The following HMGCLL1 variants were observed in gnomAD, a reference collection of about 807,000 sequenced individuals.
The protein encoded by HMGCLL1 is 3-hydroxymethyl-3-methylglutaryl-CoA lyase, cytoplasmic.
In HMGCLL1, 36 loss-of-function variants were observed where a neutral mutation model predicts 39.1. That is an observed-to-expected ratio of 0.92 (90% CI 0.71 to 1.22). The LOEUF (loss-of-function observed/expected upper bound fraction) is 1.22, where lower values mean the gene tolerates loss of function less well. HMGCLL1 is among the 50% of genes most tolerant of loss of function. HMGCLL1 has a pLI of 0.00. For synonymous variants in HMGCLL1, 149 were observed against 144.0 expected (o/e 1.03, Z -0.25); for missense variants, 451 against 416.5 (o/e 1.08, Z -0.72).
chr6:55,477,941 T>A (rs1047958234), intron 7 of HMGCLL1, among the ~76,000 whole-genome samples: 5 of 151,094 alleles, frequency 3.3e-5, no homozygotes, highest in Admixed American at 2.6e-4. Flanking sequence ...CAGAGTCGAT[T>A]CTGTATTTTA....
intron 1 of HMGCLL1, among the ~76,000 whole-genome samples, chr6:55,542,996 A>G (rs915542916): frequency 1.5e-4 from 15 of 100,424 alleles, no homozygotes; most frequent in African/African-American, 6.8e-4. Flanking sequence ...AATATATATT[A>G]TAAATTATTA....
At chr6:55,617,821 T>A in the HMGCLL1 span, among the ~76,000 whole-genome samples, 32 of 152,172 alleles carry the variant, frequency 2.1e-4, no homozygotes, top group Middle Eastern at 0.01. Context: ...CAAGAATATA[T>A]GTACAAGTAG....
the HMGCLL1 span, among the ~76,000 whole-genome samples, chr6:55,649,528 A>G: frequency 6.6e-6 from 1 of 151,668 alleles, no homozygotes; most frequent in Non-Finnish European, 1.5e-5. Flanking sequence ...CTTGGCCGTC[A>G]GGAATTTGAT....
chr6:55,535,745 G>A (rs1307201682), intron 3 of HMGCLL1, among the ~76,000 whole-genome samples: 1 of 152,118 alleles, frequency 6.6e-6, no homozygotes, highest in African/African-American at 2.4e-5. Context: ...CAACTCATCT[G>A]GATAATAATG....
At chr6:55,606,380 G>T in the HMGCLL1 span, among the ~76,000 whole-genome samples, 144,415 of 152,172 alleles carry the variant, frequency 0.95, 68,676 homozygotes, top group Non-Finnish European at 0.97. Flanking sequence ...CAGACAACCA[G>T]ACTTTTAGAA....
the HMGCLL1 span, among the ~76,000 whole-genome samples, chr6:55,587,856 A>C: frequency 6.6e-6 from 1 of 152,192 alleles, no homozygotes; most frequent in Non-Finnish European, 1.5e-5. Context: ...AGAGCTAACT[A>C]TCCTAAATAT....
chr6:55,669,556 T>A, the HMGCLL1 span, among the ~76,000 whole-genome samples: 1 of 151,628 alleles, frequency 6.6e-6, no homozygotes, highest in South Asian at 2.1e-4. Flanking sequence ...ATAACACAGA[T>A]GAAAAAGGCT....
At chr6:55,450,103 A>T (rs1166287526) in intron 7 of HMGCLL1, among the ~76,000 whole-genome samples, 1 of 152,192 alleles carries the variant, frequency 6.6e-6, no homozygotes, top group East Asian at 1.9e-4. Flanking sequence ...GAGAAAGAAG[A>T]TGAGTTAATG....
In HMGCLL1 at chr6:55,516,586, T is replaced by G; in HGVS notation, c.315A>C (p.Glu105Asp). 1 of 1,595,956 alleles carries G rather than the reference T, an allele frequency of 6.3e-7. No homozygotes were observed. Among genetic ancestry groups the G allele is most frequent in the Non-Finnish European group, 8.6e-7 (1 of 1,167,168 alleles). The change falls in exon 4 of 9, where the codon GAA (glutamate) becomes GAC (aspartate). Residue 105 changes from glutamate to aspartate, a missense_variant. Glu to Asp is a conservative substitution (Grantham distance 45). Transcript: ENST00000274901. Reference sequence around the variant, plus strand: ...GATATTGATGAATGCCTTTCATTACTTCAGTGTGATCAGCCATCTTAAATA... The same window carrying G: ...GATATTGATGAATGCCTTTCATTACGTCAGTGTGATCAGCCATCTTAAATA... ...RWVPQMADHT[E>D]VMKGIHQYPG...
chr6:55,611,293 T>G, the HMGCLL1 span, among the ~76,000 whole-genome samples: 2 of 152,088 alleles, frequency 1.3e-5, no homozygotes, highest in African/African-American at 4.8e-5. Context: ...CACTGAATGT[T>G]CACATTAGAA....
intron 7 of HMGCLL1, among the ~76,000 whole-genome samples, chr6:55,487,261 A>C (rs567346551): frequency 5.9e-5 from 9 of 151,652 alleles, no homozygotes; most frequent in Non-Finnish European, 1.3e-4. Flanking sequence ...GCCCTGGTCA[A>C]TCTAGTAAAA....
intron 7 of HMGCLL1, among the ~76,000 whole-genome samples, chr6:55,471,187 C>T (rs1164724002): frequency 2.0e-5 from 3 of 151,702 alleles, no homozygotes. Flanking sequence ...TTACTTTATT[C>T]TTCGATAACT....
intron 1 of HMGCLL1, among the ~76,000 whole-genome samples, chr6:55,569,324 A>T (rs1378848961): frequency 1.3e-5 from 2 of 152,190 alleles, no homozygotes; most frequent in Non-Finnish European, 2.9e-5. Flanking sequence ...GTAGAGGAGT[A>T]GCAGCACCAT....
the HMGCLL1 span, among the ~76,000 whole-genome samples, chr6:55,616,891 TCAAGAA>T: frequency 6.6e-6 from 1 of 151,836 alleles, no homozygotes; most frequent in African/African-American, 2.4e-5. Flanking sequence ...AATGGAGACT[TCAAGAA>T]CAAAAAAAGA....
intron 7 of HMGCLL1, among the ~76,000 whole-genome samples, chr6:55,461,892 TAGA>T (rs1174376395): frequency 6.6e-6 from 1 of 152,134 alleles, no homozygotes; most frequent in African/African-American, 2.4e-5. Context: ...TCTCTAGTTT[TAGA>T]AGAAGACAAT....
intron 7 of HMGCLL1, among the ~76,000 whole-genome samples, chr6:55,471,556 G>A (rs1244859196): frequency 6.6e-6 from 1 of 151,444 alleles, no homozygotes; most frequent in Non-Finnish European, 1.5e-5. Flanking sequence ...CAATATACCA[G>A]GTATAACATG....
the HMGCLL1 span, among the ~76,000 whole-genome samples, chr6:55,647,698 C>G: frequency 2.3e-4 from 34 of 148,328 alleles, no homozygotes; most frequent in Admixed American, 2.3e-3. Context: ...TAATTTTATT[C>G]CCCCATTTTA....
At chr6:55,589,039 T>C in the HMGCLL1 span, among the ~76,000 whole-genome samples, 1 of 152,102 alleles carries the variant, frequency 6.6e-6, no homozygotes, top group South Asian at 2.1e-4. Flanking sequence ...GAGGGAATCC[T>C]CCCTAACTCA....
intron 3 of HMGCLL1, among the ~76,000 whole-genome samples, chr6:55,522,458 A>C (rs1768088268): frequency 6.6e-6 from 1 of 152,012 alleles, no homozygotes; most frequent in South Asian, 2.1e-4. Flanking sequence ...GATAACATGC[A>C]ATGTGGGATG....
Sources: gnomAD v4.1 joint callset for allele counts (sites outside exome capture counted in the v4.1 genomes callset) on GRCh38, gnomAD v4.1.1 for gene constraint, MANE v1.5 for transcripts, NCBI Gene and HGNC (gene_info 2026-07-23, HGNC 2026-07-21) for gene names.